CNTN3: variants seen among roughly 807,000 people sequenced by gnomAD.
CNTN3 encodes the protein contactin 3, also known as contactin-3.
In CNTN3, 60 loss-of-function variants were observed where a neutral mutation model predicts 119.1. The ratio of observed to expected loss-of-function variants is 0.50; its 90% CI spans 0.41 to 0.62. CNTN3 has a LOEUF of 0.62. Among genes scored for constraint, CNTN3 ranks in the 20% least tolerant of loss-of-function variants. The pLI is 0.00. For synonymous variants in CNTN3, 450 were observed against 438.7 expected, an observed-to-expected ratio of 1.03 and a Z score of -0.32; for missense variants, 1,101 against 1,242.4, an observed-to-expected ratio of 0.89 and a Z score of 1.71.
At chr3:74,466,980 C>A (rs1447250082) in intron 4 of CNTN3, among the ~76,000 whole-genome samples, 1 of 152,052 alleles carries the variant, frequency 6.6e-6, no homozygotes, top group Non-Finnish European at 1.5e-5. Context: ...ATTAATAACT[C>A]TACCAAATTA....
intron 2 of CNTN3, among the ~76,000 whole-genome samples, chr3:74,500,520 A>AC (rs1703149480): frequency 6.6e-6 from 1 of 151,730 alleles, no homozygotes; most frequent in Non-Finnish European, 1.5e-5. Context: ...AAAAAAAAAA[A>AC]AAGCTCTTTA....
chr3:74,395,932 T>C (rs952863855), intron 5 of CNTN3, among the ~76,000 whole-genome samples: 1 of 152,214 alleles, frequency 6.6e-6, no homozygotes, highest in African/African-American at 2.4e-5. Flanking sequence ...TAATCTGTTA[T>C]CAGTGATCTT....
chr3:74,296,022 C>T (rs9867036), intron 18 of CNTN3, among the ~76,000 whole-genome samples: 66,128 of 151,864 alleles, frequency 0.44, 14,640 homozygotes, highest in South Asian at 0.6. Context: ...TTGGAGCCCA[C>T]TGATCCAGTG....
At chr3:74,508,302 C>T (rs1703301288) in intron 2 of CNTN3, among the ~76,000 whole-genome samples, 2 of 152,110 alleles carry the variant, frequency 1.3e-5, no homozygotes, top group Admixed American at 6.6e-5. Context: ...TGTAAGTTTC[C>T]TGAGGCCTCC....
rs536791664 is a variant in CNTN3 at position 74,348,578 on chromosome 3, T to A, written c.1365-11920A>T. On this transcript the variant is annotated intron_variant, in intron 11 of 22. Transcript: ENST00000263665. ...AGCATAGGAAGCCTACACTCACCCATGCGGAGAGACCATAAGCAGAGGCCT... is the reference window on the plus strand; with the variant it reads ...AGCATAGGAAGCCTACACTCACCCAAGCGGAGAGACCATAAGCAGAGGCCT... 2.6e-5 allele frequency among the ~76,000 whole-genome samples: 4 copies of A among 152,186 alleles called. No individual in the cohort carries two copies. In the South Asian group the frequency reaches 6.2e-4, roughly 24 times the overall value.
chr3:74,444,121 G>A (rs556830758), intron 4 of CNTN3, among the ~76,000 whole-genome samples: 8 of 152,182 alleles, frequency 5.3e-5, no homozygotes, highest in African/African-American at 1.9e-4. Flanking sequence ...TGTGTCTCCG[G>A]TTTACATGGA....
intron 11 of CNTN3, among the ~76,000 whole-genome samples, chr3:74,341,832 G>A (rs191315378): frequency 8.5e-5 from 13 of 152,164 alleles, no homozygotes; most frequent in Admixed American, 7.2e-4. Context: ...AAAGCATTAC[G>A]GATGGCAAAG....
chr3:74,523,421 C>T (rs1034408822), intron 1 of CNTN3, among the ~76,000 whole-genome samples: 1 of 151,784 alleles, frequency 6.6e-6, no homozygotes, highest in Non-Finnish European at 1.5e-5. Context: ...ATATATATGT[C>T]TAAGACTCAT....
intron 2 of CNTN3, among the ~76,000 whole-genome samples, chr3:74,504,701 C>T (rs1002096017): frequency 4.6e-5 from 7 of 152,140 alleles, no homozygotes; most frequent in African/African-American, 1.7e-4. Flanking sequence ...ATAGCTATCA[C>T]CGGCCCTTCT....
At chr3:74,296,591 G>T (rs1378124442) in intron 18 of CNTN3, among the ~76,000 whole-genome samples, 3 of 152,220 alleles carry the variant, frequency 2.0e-5, no homozygotes, top group African/African-American at 7.2e-5. Flanking sequence ...AATGACAACT[G>T]CAGGCCACTT....
At chr3:74,401,560 G>A (rs1041484833) in intron 5 of CNTN3, among the ~76,000 whole-genome samples, 4 of 151,798 alleles carry the variant, frequency 2.6e-5, no homozygotes, top group East Asian at 3.9e-4. Flanking sequence ...CTGATTTAAG[G>A]GACTAATGAA....
At chr3:74,389,309 G>C (rs1269258483) in intron 5 of CNTN3, among the ~76,000 whole-genome samples, 1 of 151,970 alleles carries the variant, frequency 6.6e-6, no homozygotes, top group African/African-American at 2.4e-5. Flanking sequence ...AGTTACATAA[G>C]GGAAAACAGG....
At chr3:74,512,261 G>A (rs1703379247) in intron 2 of CNTN3, among the ~76,000 whole-genome samples, 2 of 152,072 alleles carry the variant, frequency 1.3e-5, no homozygotes, top group East Asian at 3.9e-4. Context: ...TATATACATG[G>A]CCTGAAAAAT....
In CNTN3 at chr3:74,486,647, C is replaced by A. The variant is rs1345172019; in HGVS notation, c.183-16G>T. ...CAGCTGCCATCTGTAAAACAAATATCAAGGTTCCCCCCCCTTAGTATTTTT... is the reference window on the plus strand; with the variant it reads ...CAGCTGCCATCTGTAAAACAAATATAAAGGTTCCCCCCCCTTAGTATTTTT... On this transcript the variant is annotated splice_polypyrimidine_tract_variant and intron_variant, in intron 3 of 22. Transcript: ENST00000263665. 1.3e-6 allele frequency: 2 copies of A among 1,512,114 alleles called. No individual in the cohort carries two copies. Among genetic ancestry groups the A allele is most frequent in the Non-Finnish European group, 8.8e-7 (1 of 1,136,890 alleles). 93.7% of individuals were successfully genotyped at this position (1,512,114 alleles called of 1,614,324 possible). A position where few individuals can be genotyped will look rare whatever the true frequency, so the allele number is the denominator to read the frequency against.
Position 74,372,130 on chromosome 3 carries a change from T to C in CNTN3, c.455-731A>G, listed in dbSNP as rs1029930366. The stretch of plus-strand genomic sequence containing the variant: ...TTCAACTAAAACGCTTATCAGTATG[T>C]AACATTCTGCTTACTTGTCTGTCCT... On this transcript the variant is annotated intron_variant, in intron 5 of 22. Coordinates refer to ENST00000263665, the MANE Select transcript of CNTN3 (RefSeq NM_020872.3). Among the ~76,000 whole-genome samples, 41 of 152,272 alleles carry C rather than the reference T, an allele frequency of 2.7e-4. 1 individual carries two copies. Among genetic ancestry groups the C allele is most frequent in the African/African-American group, 9.1e-4 (38 of 41,560 alleles).
At chr3:74,377,102 A>T (rs938076388) in intron 5 of CNTN3, among the ~76,000 whole-genome samples, 18 of 152,070 alleles carry the variant, frequency 1.2e-4, no homozygotes, top group African/African-American at 4.3e-4. Context: ...TTTTTCAAAG[A>T]TTCACACCCT....
chr3:74,457,938 T>C (rs1040235837), intron 4 of CNTN3, among the ~76,000 whole-genome samples: 2 of 152,054 alleles, frequency 1.3e-5, no homozygotes, highest in Admixed American at 6.6e-5. Flanking sequence ...CCAAGGCATC[T>C]TCTGTAGTCT....
intron 3 of CNTN3, among the ~76,000 whole-genome samples, chr3:74,491,609 T>C (rs182744375): frequency 2.6e-4 from 39 of 152,324 alleles, no homozygotes; most frequent in African/African-American, 7.9e-4. Flanking sequence ...ATTAGACTCA[T>C]TTTCTTTGCA....
rs1292138769 is a variant in CNTN3 at position 74,453,915 on chromosome 3, AG to A, written c.359-28976del. ...TTCTATTCTTTTACATTTGCTGAGG[AG>A]AGCTTTACTTCCAAATATGTGGTCA... On this transcript the variant is annotated intron_variant, in intron 4 of 22. Transcript: ENST00000263665. 5.3e-5 allele frequency among the ~76,000 whole-genome samples: 8 copies of A among 152,142 alleles called. No individual in the cohort carries two copies. In the East Asian group the frequency reaches 1.2e-3, roughly 22 times the overall value.
Sources: allele counts gnomAD v4.1 joint callset (sites outside exome capture counted in the v4.1 genomes callset), GRCh38; gene constraint gnomAD v4.1.1; transcripts MANE v1.5; gene names NCBI Gene and HGNC (gene_info 2026-07-23, HGNC 2026-07-21).